ELMO1: variants seen among roughly 807,000 people sequenced by gnomAD.
ELMO1 encodes the protein engulfment and cell motility 1, also known as engulfment and cell motility protein 1.
ELMO1 carries 26 observed loss-of-function variants against 98.9 expected under a neutral mutation model. The ratio of observed to expected loss-of-function variants is 0.26; its 90% CI spans 0.19 to 0.36. The LOEUF is 0.36. ELMO1 is among the 10% of genes least tolerant of loss of function. The pLI, the probability that ELMO1 is intolerant of heterozygous loss-of-function variation, is 1.00. For missense variants in ELMO1, 627 were observed against 935.2 expected (o/e 0.67, Z 4.30); for synonymous variants, 346 against 346.0 (o/e 1.00, Z 0.00).
intron 15 of ELMO1, among the ~76,000 whole-genome samples, chr7:37,050,510 C>T (rs949227827): frequency 3.0e-4 from 46 of 151,926 alleles, no homozygotes; most frequent in Admixed American, 5.9e-4. Context: ...AGGGAGTGCA[C>T]GCAAATCTGG....
intron 4 of ELMO1, among the ~76,000 whole-genome samples, chr7:37,312,875 G>A (rs1488559611): frequency 6.6e-6 from 1 of 152,168 alleles, no homozygotes; most frequent in Non-Finnish European, 1.5e-5. Context: ...TATTTCACAA[G>A]CAACACAGGA....
At chr7:37,199,977 G>A (rs1481354732) in intron 13 of ELMO1, among the ~76,000 whole-genome samples, 1 of 152,118 alleles carries the variant, frequency 6.6e-6, no homozygotes, top group Non-Finnish European at 1.5e-5. Context: ...TGGTTCACTT[G>A]GTTCAATGAC....
At chr7:37,084,850 G>A (rs535427805) in intron 15 of ELMO1, among the ~76,000 whole-genome samples, 7 of 151,078 alleles carry the variant, frequency 4.6e-5, no homozygotes, top group East Asian at 3.9e-4. Context: ...TCTGCCTCCC[G>A]AGTTCAGGCG....
At chr7:36,888,930 T>C (rs1224388111) in intron 17 of ELMO1, among the ~76,000 whole-genome samples, 1 of 152,170 alleles carries the variant, frequency 6.6e-6, no homozygotes, top group African/African-American at 2.4e-5. Flanking sequence ...TCATTTAACC[T>C]TCCTTCCTTC....
chr7:37,350,704 C>T (rs984850517), intron 1 of ELMO1, among the ~76,000 whole-genome samples: 1 of 152,132 alleles, frequency 6.6e-6, no homozygotes, highest in Admixed American at 6.5e-5. Context: ...CAAATCCTAA[C>T]CCCCAGTAGC....
chr7:37,031,928 G>A (rs1015439415), intron 15 of ELMO1, among the ~76,000 whole-genome samples: 4 of 152,140 alleles, frequency 2.6e-5, no homozygotes, highest in Non-Finnish European at 5.9e-5. Context: ...AGAAGGCTCC[G>A]TGGAGACCAT....
At chr7:36,859,307 G>A (rs1388230087) in intron 21 of ELMO1, among the ~76,000 whole-genome samples, 3 of 152,206 alleles carry the variant, frequency 2.0e-5, no homozygotes, top group Non-Finnish European at 4.4e-5. Context: ...AGTGTGATCA[G>A]GGTATTGCAG....
At chr7:36,934,232 T>C (rs1398750915) in intron 16 of ELMO1, among the ~76,000 whole-genome samples, 1 of 152,188 alleles carries the variant, frequency 6.6e-6, no homozygotes, top group Non-Finnish European at 1.5e-5. Context: ...CCAATTTAAC[T>C]CAGCCCTTCC....
intron 15 of ELMO1, among the ~76,000 whole-genome samples, chr7:37,043,733 G>C (rs1444945494): frequency 6.6e-6 from 1 of 152,168 alleles, no homozygotes; most frequent in African/African-American, 2.4e-5. Context: ...GTGCAGGCAG[G>C]ATGGAGACCA....
intron 4 of ELMO1, among the ~76,000 whole-genome samples, chr7:37,288,670 A>G (rs1282382358): frequency 6.6e-6 from 1 of 152,242 alleles, no homozygotes; most frequent in Non-Finnish European, 1.5e-5. Flanking sequence ...GAACCCAGAC[A>G]TTAACCTTGG....
chr7:37,129,697 T>C (rs954645140), intron 14 of ELMO1, among the ~76,000 whole-genome samples: 1 of 152,256 alleles, frequency 6.6e-6, no homozygotes, highest in African/African-American at 2.4e-5. Context: ...TCCATTTCTC[T>C]ATAATTTCCC....
chr7:37,384,158 T>C (rs1476821324), intron 1 of ELMO1, among the ~76,000 whole-genome samples: 1 of 152,216 alleles, frequency 6.6e-6, no homozygotes, highest in East Asian at 1.9e-4. Context: ...ACTTATGGTA[T>C]AGAATATGTT....
intron 16 of ELMO1, among the ~76,000 whole-genome samples, chr7:36,931,297 CTTCTT>C (rs771095575): frequency 5.6e-4 from 85 of 152,208 alleles, no homozygotes; most frequent in Middle Eastern, 3.2e-3. Context: ...AAATAAAACT[CTTCTT>C]AAGACCTCAG....
At chr7:37,011,756 G>A (rs1793576463) in intron 16 of ELMO1, among the ~76,000 whole-genome samples, 1 of 152,094 alleles carries the variant, frequency 6.6e-6, no homozygotes, top group East Asian at 1.9e-4. Flanking sequence ...AATGATCCAG[G>A]GCAAAGTGGC....
chr7:36,982,229 G>A (rs888633802), intron 16 of ELMO1, among the ~76,000 whole-genome samples: 1 of 152,114 alleles, frequency 6.6e-6, no homozygotes, highest in Non-Finnish European at 1.5e-5. Context: ...TCTAAATACA[G>A]ATTTCCTGTG....
intron 16 of ELMO1, among the ~76,000 whole-genome samples, chr7:37,011,905 C>T (rs973389997): frequency 6.6e-6 from 1 of 152,138 alleles, no homozygotes; most frequent in African/African-American, 2.4e-5. Context: ...CACAATCAAG[C>T]GAAGTACACT....
At chr7:36,926,611 G>A (rs746276263) in intron 16 of ELMO1, among the ~76,000 whole-genome samples, 19 of 152,052 alleles carry the variant, frequency 1.2e-4, no homozygotes, top group Non-Finnish European at 2.5e-4. Flanking sequence ...TTTCCCCTTA[G>A]TGTGAGGAGG....
chr7:37,169,698 G>A (rs1040951359), intron 13 of ELMO1, among the ~76,000 whole-genome samples: 33 of 152,114 alleles, frequency 2.2e-4, no homozygotes, highest in Admixed American at 4.6e-4. Flanking sequence ...GTCACGTGCC[G>A]ACATCATCAC....
At chr7:37,338,344 G>T (rs1800532895) in intron 2 of ELMO1, among the ~76,000 whole-genome samples, 1 of 152,100 alleles carries the variant, frequency 6.6e-6, no homozygotes, top group African/African-American at 2.4e-5. Flanking sequence ...CCATGGTGGT[G>T]GTATAAAAAC....
Sources: gnomAD v4.1 joint callset for allele counts (sites outside exome capture counted in the v4.1 genomes callset) on GRCh38, gnomAD v4.1.1 for gene constraint, MANE v1.5 for transcripts, NCBI Gene and HGNC (gene_info 2026-07-23, HGNC 2026-07-21) for gene names.